Variants in CTBP2 observed in about 807,000 individuals in gnomAD.
CTBP2 encodes the protein C-terminal binding protein 2, also known as C-terminal-binding protein 2.
In CTBP2, 30 loss-of-function variants were observed where a neutral mutation model predicts 80.3. That is an observed-to-expected ratio of 0.37 (90% CI 0.28 to 0.51). The LOEUF is 0.51. CTBP2 is among the 20% of genes least tolerant of loss of function. CTBP2 has a pLI of 0.93. For missense variants in CTBP2, 1,212 were observed against 1,375.3 expected, an observed-to-expected ratio of 0.88 and a Z score of 1.88; for synonymous variants, 594 against 587.4, an observed-to-expected ratio of 1.01 and a Z score of -0.16.
At chr10:125,031,135 C>T (rs2949369), upstream of CTBP2, among the ~76,000 whole-genome samples, 70,066 of 151,976 alleles carry the variant, frequency 0.46, 16,467 homozygotes, top group East Asian at 0.63. Flanking sequence ...TGTGGACAGC[C>T]TGTGCTGGAT....
intron 2 of CTBP2, among the ~76,000 whole-genome samples, chr10:125,092,929 C>T (rs566727841): frequency 1.6e-4 from 24 of 152,244 alleles, no homozygotes; most frequent in Admixed American, 4.6e-4. Context: ...GGGGGCAGCA[C>T]GTGCTTCCTG....
At chr10:125,048,524 G>T (rs1564796962) in intron 2 of CTBP2, among the ~76,000 whole-genome samples, 1 of 152,168 alleles carries the variant, frequency 6.6e-6, no homozygotes, top group Non-Finnish European at 1.5e-5. Flanking sequence ...CAGCGCCAGC[G>T]CCTACTTGTT....
chr10:125,156,709 T>C (rs943343746), intron 1 of CTBP2, among the ~76,000 whole-genome samples: 1 of 152,272 alleles, frequency 6.6e-6, no homozygotes, highest in Non-Finnish European at 1.5e-5. Flanking sequence ...TGTAGCTGGC[T>C]ACTCAGAAAC....
chr10:125,136,891 G>A (rs553317553), intron 1 of CTBP2, among the ~76,000 whole-genome samples: 31 of 152,298 alleles, frequency 2.0e-4, no homozygotes, highest in Middle Eastern at 3.4e-3. Flanking sequence ...TGATGGCGTT[G>A]CCCAGGGCCT....
Position 124,994,453 on chromosome 10 carries a change from T to C in CTBP2, c.2400+16A>G, listed in dbSNP as rs1953180425. On this transcript the variant is annotated intron_variant, in intron 5 of 8. Transcript: ENST00000309035. The stretch of plus-strand genomic sequence containing the variant: ...CCTTTCGACAGAAGCTTCCATGGCA[T>C]CTATTTTCAAATTACCTGCTTTATG... 1 of 1,612,402 alleles carries C rather than the reference T, an allele frequency of 6.2e-7. No homozygotes were observed.
chr10:125,054,465 C>T (rs142747763), intron 2 of CTBP2, among the ~76,000 whole-genome samples: 35 of 152,266 alleles, frequency 2.3e-4, no homozygotes, highest in African/African-American at 6.7e-4. Context: ...GAACCCTCCC[C>T]GAGCCGGGCC....
chr10:125,160,702 C>T (rs1404120741), upstream of CTBP2: 1 of 81,700 alleles, frequency 1.2e-5, no homozygotes, highest in Non-Finnish European at 2.5e-5. Flanking sequence ...CCCACCCACC[C>T]CACCCCCTTC....
intron 1 of CTBP2, among the ~76,000 whole-genome samples, chr10:125,140,095 C>T (rs894717810): frequency 2.0e-5 from 3 of 152,142 alleles, no homozygotes; most frequent in African/African-American, 7.2e-5. Context: ...TCACACTACA[C>T]TGGGAAGCCC....
intron 2 of CTBP2, among the ~76,000 whole-genome samples, chr10:125,048,276 G>T (rs113657370): frequency 1.3e-5 from 2 of 152,088 alleles, no homozygotes; most frequent in Non-Finnish European, 2.9e-5. Context: ...ACCCTGCATG[G>T]CCTTCCAGAG....
intron 2 of CTBP2, among the ~76,000 whole-genome samples, chr10:125,101,752 C>T (rs998495463): frequency 2.0e-5 from 3 of 152,192 alleles, no homozygotes; most frequent in South Asian, 4.1e-4. Context: ...GCAACCTGTA[C>T]TACCTTCCCC....
rs189144532 is a variant in CTBP2 at position 125,147,315 on chromosome 10, T to C, written c.-206+13004A>G. Among the ~76,000 whole-genome samples the C allele has an allele frequency of 1.1e-3, 163 of 152,356 alleles. 4 individuals are homozygous for C. Among genetic ancestry groups the C allele is most frequent in the Middle Eastern group, 3.4e-3 (1 of 294 alleles). On this transcript the variant is annotated intron_variant, in intron 1 of 10. Transcript: ENST00000337195. ...CTGGGCAGGGTGGCTGGGGCAGCAC[T>C]GGGCCCCCACCCTGGCTGCCCATCA...
rs1418013177 is a variant in CTBP2, at chr10:124,986,283, G to GCACACACA, written c.*3234_*3235insTGTGTGTG. 6.6e-5 allele frequency: 3 copies of GCACACACA among 45,374 alleles called. No homozygotes were observed. The highest frequency in any genetic ancestry group is 1.8e-4 in the Non-Finnish European group (3 of 16,462). The allele number at this position is 45,374 out of a possible 1,614,324, so 2.8% of individuals were successfully genotyped here. On this transcript the variant is annotated 3_prime_UTR_variant, in exon 9 of 9. Coordinates refer to ENST00000309035, the MANE Select transcript of CTBP2 (RefSeq NM_022802.3). ...ATTTGGAAAGACGACACACGCACGCGCGCGCGCGCACACACACACACACAC... is the reference window on the plus strand; with the variant it reads ...ATTTGGAAAGACGACACACGCACGCGCACACACACGCGCGCGCACACACACACACACAC...
intron 2 of CTBP2, among the ~76,000 whole-genome samples, chr10:125,085,447 C>T (rs566782284): frequency 3.9e-5 from 6 of 152,284 alleles, no homozygotes; most frequent in African/African-American, 1.2e-4. Flanking sequence ...GCAGGGGAGC[C>T]ACCTCCGTGT....
chr10:125,116,366 G>A (rs947729139), intron 1 of CTBP2, among the ~76,000 whole-genome samples: 4 of 152,084 alleles, frequency 2.6e-5, no homozygotes, highest in Non-Finnish European at 5.9e-5. Context: ...ACACTCCCTC[G>A]GCACCCATGC....
intron 1 of CTBP2, among the ~76,000 whole-genome samples, chr10:125,119,826 G>C (rs991051677): frequency 1.5e-4 from 23 of 152,212 alleles, no homozygotes; most frequent in Non-Finnish European, 3.4e-4. Context: ...TGAGCTGTGA[G>C]CTCCTGTCAG....
At position 125,026,468 on chromosome 10, in the gene CTBP2, G is replaced by A. The variant is rs761255551; in HGVS notation, c.1292C>T (p.Pro431Leu). The A allele has an allele frequency of 6.3e-7, 1 of 1,599,888 alleles. No individual in the cohort carries two copies. The highest frequency in any genetic ancestry group is 8.5e-7 in the Non-Finnish European group (1 of 1,170,216). Residue 431 changes from proline (P) to leucine (L), a missense_variant, in exon 1 of 9, where the codon CCA (proline) becomes CTA (leucine). Pro to Leu is a moderately conservative substitution (Grantham distance 98). Coordinates refer to ENST00000309035, the MANE Select transcript of CTBP2 (RefSeq NM_022802.3). Reference sequence around the variant, plus strand: ...GTACCCGGAGTTGGAGGGGAAGTGTGGGGCATGGGTGCCCACGCCAGGGGC... The same window carrying A: ...GTACCCGGAGTTGGAGGGGAAGTGTAGGGCATGGGTGCCCACGCCAGGGGC...
chr10:125,009,741 C>G (rs1955657803), intron 1 of CTBP2, among the ~76,000 whole-genome samples: 1 of 152,208 alleles, frequency 6.6e-6, no homozygotes. Flanking sequence ...GGGACGTACG[C>G]AAGTGCCTCT....
At chr10:125,061,050 C>T (rs963604456) in intron 2 of CTBP2, among the ~76,000 whole-genome samples, 23 of 152,182 alleles carry the variant, frequency 1.5e-4, no homozygotes, top group Non-Finnish European at 3.1e-4. Flanking sequence ...CTGAACTCTC[C>T]CAGGATTCCT....
chr10:125,070,951 AC>A (rs1322071228), intron 2 of CTBP2, among the ~76,000 whole-genome samples: 3 of 152,214 alleles, frequency 2.0e-5, no homozygotes, highest in Non-Finnish European at 4.4e-5. Flanking sequence ...TAAAATAAAA[AC>A]TTTTTAACCA....
Sources: gnomAD v4.1 joint callset for allele counts (sites outside exome capture counted in the v4.1 genomes callset) on GRCh38, gnomAD v4.1.1 for gene constraint, MANE v1.5 for transcripts, NCBI Gene and HGNC (gene_info 2026-07-23, HGNC 2026-07-21) for gene names.